The following UGDH variants were observed in gnomAD, a reference collection of about 807,000 sequenced individuals.
The protein encoded by UGDH is UDP-Glc dehydrogenase.
A neutral mutation model predicts 50.6 loss-of-function variants in UGDH; 38 were observed. The ratio of observed to expected loss-of-function variants is 0.75; its 90% CI spans 0.58 to 0.98. The LOEUF (loss-of-function observed/expected upper bound fraction) is 0.98, where lower values mean the gene tolerates loss of function less well. UGDH is among the 50% of genes least tolerant of loss of function. UGDH has a pLI of 0.00. For synonymous variants in UGDH, 168 were observed against 199.9 expected (o/e 0.84, Z 1.35); for missense variants, 465 against 606.2 (o/e 0.77, Z 2.45).
rs762980696 is a variant in UGDH at position 39,510,598 on chromosome 4, G to A, written c.466-48C>T. ...AGTTTTAAGCTAGAATTAATTATGG[G>A]CAACTTTAACACATCAGTATTTACA... On this transcript the variant is annotated intron_variant, in intron 4 of 11. Transcript: ENST00000316423. 4.3e-6 allele frequency: 7 copies of A among 1,613,632 alleles called. No individual in the cohort carries two copies. The South Asian group carries it at 6.6e-5, about 15-fold the overall frequency.
intron 1 of UGDH, among the ~76,000 whole-genome samples, chr4:39,525,071 G>T (rs1746820709): frequency 1.3e-5 from 2 of 152,336 alleles, no homozygotes; most frequent in South Asian, 2.1e-4. Flanking sequence ...TGTACAATCT[G>T]TGCAAGTCCA....
intron 7 of UGDH, 103 bp downstream of exon 7, chr4:39,508,463 G>A: frequency 8.7e-7 from 1 of 1,143,956 alleles, no homozygotes; most frequent in Non-Finnish European, 1.2e-6. Context: ...CAAATTCCTG[G>A]CCTCAAGTGA....
chr4:39,513,541 T>G (rs1746326128), intron 3 of UGDH, among the ~76,000 whole-genome samples: 1 of 143,156 alleles, frequency 7.0e-6, no homozygotes, highest in Non-Finnish European at 1.5e-5. Flanking sequence ...CTTTTTTTTT[T>G]TTTTTTTTTT....
At chr4:39,518,427 C>A (rs1052436763) in intron 2 of UGDH, among the ~76,000 whole-genome samples, 1 of 152,048 alleles carries the variant, frequency 6.6e-6, no homozygotes. Flanking sequence ...GGGCTCACTG[C>A]AGCCTCAGCC....
At chr4:39,521,330 A>G in intron 2 of UGDH, 21 bp downstream of exon 2, 2 of 1,571,564 alleles carry the variant, frequency 1.3e-6, no homozygotes, top group Non-Finnish European at 1.7e-6. Context: ...ATAAAAACAA[A>G]GAGATGTTTA....
intron 9 of UGDH, 48 bp from the exon 10 acceptor site, chr4:39,504,556 A>G: frequency 4.6e-6 from 7 of 1,513,388 alleles, no homozygotes; most frequent in Non-Finnish European, 6.4e-6. Context: ...AAGGAGTTAT[A>G]TGACATTACA....
chr4:39,510,168 T>A (rs1199815588), intron 5 of UGDH, among the ~76,000 whole-genome samples, 185 bp downstream of exon 5: 4 of 152,232 alleles, frequency 2.6e-5, no homozygotes, highest in Non-Finnish European at 5.9e-5. Context: ...TTTTTCAGAA[T>A]CTTTTATACC....
At position 39,514,231 on chromosome 4, in the gene UGDH, T is replaced by A. The variant is rs749711412; in HGVS notation, c.163-47A>T. 4 of 1,370,646 alleles carry A rather than the reference T, an allele frequency of 2.9e-6. No individual in the cohort carries two copies. In the African/African-American group the frequency reaches 5.9e-5, roughly 20 times the overall value. 84.9% of individuals were successfully genotyped at this position (1,370,646 alleles called of 1,614,324 possible). A position where few individuals can be genotyped will look rare whatever the true frequency, so the allele number is the denominator to read the frequency against. The stretch of plus-strand genomic sequence containing the variant: ...AATTGTACATATAGCTTGCCAGTGA[T>A]ATGAGATAACCTAATAGTATAGAAT... On this transcript the variant is annotated intron_variant, in intron 2 of 11. Coordinates refer to ENST00000316423, the MANE Select transcript of UGDH (RefSeq NM_003359.4).
intron 2 of UGDH, among the ~76,000 whole-genome samples, 194 bp downstream of exon 2, chr4:39,521,157 T>C (rs1349665432): frequency 2.0e-5 from 3 of 152,064 alleles, no homozygotes; most frequent in Non-Finnish European, 2.9e-5. Context: ...GATAGACTTC[T>C]TTCTGGTCAT....
chr4:39,514,316 AC>A, intron 2 of UGDH, 132 bp from the exon 3 acceptor site: 2 of 721,342 alleles, frequency 2.8e-6, no homozygotes, highest in South Asian at 3.4e-5. Context: ...TGCTCAAATT[AC>A]CTTTGTAGAC....
rs1746508752 is a variant in UGDH at position 39,518,200 on chromosome 4, G to A, written c.162+3151C>T. ...CCCACCTCAGCCTCCCAAAGTGCTG[G>A]GATTACAGGCGTGAACCACCGCACC... On this transcript the variant is annotated intron_variant, in intron 2 of 11. Coordinates refer to ENST00000316423, the MANE Select transcript of UGDH (RefSeq NM_003359.4). Among the ~76,000 whole-genome samples, 3 of 152,034 alleles carry A rather than the reference G, an allele frequency of 2.0e-5. No homozygotes were observed. In the South Asian group the frequency reaches 6.2e-4, roughly 32 times the overall value.
At chr4:39,513,030 A>C (rs765602594) in intron 3 of UGDH, among the ~76,000 whole-genome samples, 84 of 152,090 alleles carry the variant, frequency 5.5e-4, no homozygotes, top group Middle Eastern at 3.4e-3. Context: ...CTGGTCTCAA[A>C]TTCCTATGCT....
At chr4:39,521,592 T>A in intron 1 of UGDH, 73 bp from the exon 2 acceptor site, 3 of 1,231,304 alleles carry the variant, frequency 2.4e-6, no homozygotes, top group Non-Finnish European at 3.2e-6. Flanking sequence ...GTACATTAAT[T>A]ATACTTTATA....
chr4:39,518,671 G>A (rs987683087), intron 2 of UGDH, among the ~76,000 whole-genome samples: 1 of 151,106 alleles, frequency 6.6e-6, no homozygotes, highest in African/African-American at 2.4e-5. Flanking sequence ...TGTTGCCCAG[G>A]CTGGGCTTGA....
In UGDH at chr4:39,504,557, T is replaced by C. The variant is rs561120974; in HGVS notation, c.1172-49A>G. 2.0e-5 allele frequency: 30 copies of C among 1,514,678 alleles called. No individual in the cohort carries two copies. In the South Asian group the frequency reaches 3.0e-4, roughly 15 times the overall value. The allele number at this position is 1,514,678 out of a possible 1,614,324, so 93.8% of individuals were successfully genotyped here. On this transcript the variant is annotated intron_variant, in intron 9 of 11. Coordinates refer to ENST00000316423, the MANE Select transcript of UGDH (RefSeq NM_003359.4). ...AAACAGAAATAAGAAAGGAGTTATA[T>C]GACATTACAGTAGTTCCCCCCTTAT...
At chr4:39,518,863 G>C (rs556547409) in intron 2 of UGDH, among the ~76,000 whole-genome samples, 2 of 152,200 alleles carry the variant, frequency 1.3e-5, no homozygotes, top group Non-Finnish European at 2.9e-5. Flanking sequence ...CTAAACACTT[G>C]GTATTGTCAG....
Position 39,514,200 on chromosome 4 carries a change from A to C in UGDH, c.163-16T>G, listed in dbSNP as rs758100149. 8 of 1,562,142 alleles carry C rather than the reference A, an allele frequency of 5.1e-6. No individual in the cohort carries two copies. The highest frequency in any genetic ancestry group is 2.1e-5 in the Admixed American group (1 of 46,978). ...TTAGTCCTGGCTAAAAAGAAAAAAG[A>C]AAAGGAATTGTACATATAGCTTGCC... On this transcript the variant is annotated splice_polypyrimidine_tract_variant and intron_variant, in intron 2 of 11. Coordinates refer to ENST00000316423, the MANE Select transcript of UGDH (RefSeq NM_003359.4).
At chr4:39,527,255 G>T in intron 1 of UGDH, 28 bp downstream of exon 1, 1 of 601,352 alleles carries the variant, frequency 1.7e-6, no homozygotes, top group East Asian at 6.8e-5. Flanking sequence ...CGCCCGGGCG[G>T]CGGGGCCAGC....
In UGDH at chr4:39,505,641, G is replaced by A. The variant is rs559472387; in HGVS notation, c.1014C>T (p.Phe338=). 14 of 1,602,944 alleles carry A rather than the reference G, an allele frequency of 8.7e-6. No homozygotes were observed. In the African/African-American group the frequency reaches 9.4e-5, roughly 11 times the overall value. The change falls in exon 8 of 12, where the codon TTC becomes TTT. Residue 338 remains phenylalanine (F), a synonymous_variant. Transcript: ENST00000316423. ...DKKIAILGFA[F]KKDTGDTRES... is the part of the protein sequence containing the mutation. ...ACCTTGTATCACCAGTGTCCTTTTT[G>A]AATGCAAATCCCAAAATAGCTATCT...
Sources: allele counts gnomAD v4.1 joint callset (sites outside exome capture counted in the v4.1 genomes callset), GRCh38; gene constraint gnomAD v4.1.1; transcripts MANE v1.5; gene names NCBI Gene and HGNC (gene_info 2026-07-23, HGNC 2026-07-21).